The following NREP variants were observed in gnomAD, a reference collection of about 807,000 sequenced individuals.
NREP encodes the protein neuronal regeneration related protein, also known as neuronal regeneration-related protein.
Under a neutral mutation model 8.6 loss-of-function variants are expected in NREP, and 5 were observed. The observed-to-expected ratio is 0.58, with a 90% CI of 0.30 to 1.22. NREP has a LOEUF of 1.22. Among genes scored for constraint, NREP ranks in the 50% most tolerant of loss-of-function variants. The pLI is 0.07. For missense variants in NREP, 86 were observed against 82.5 expected (o/e 1.04, Z -0.17); for synonymous variants, 27 against 28.0 (o/e 0.96, Z 0.11).
intron 2 of NREP, among the ~76,000 whole-genome samples, chr5:111,785,903 G>C (rs980901961): frequency 6.6e-6 from 1 of 152,150 alleles, no homozygotes; most frequent in African/African-American, 2.4e-5. Flanking sequence ...GAGATGGATA[G>C]GGAGAGGGAA....
At chr5:111,811,653 C>T (rs1752271620) in intron 2 of NREP, among the ~76,000 whole-genome samples, 1 of 152,160 alleles carries the variant, frequency 6.6e-6, no homozygotes, top group Non-Finnish European at 1.5e-5. Flanking sequence ...CTGAGCAGGA[C>T]AAATATTTTT....
chr5:111,863,781 A>C (rs1753604202), intron 2 of NREP, among the ~76,000 whole-genome samples: 1 of 152,164 alleles, frequency 6.6e-6, no homozygotes, highest in African/African-American at 2.4e-5. Context: ...AAGATGGCTC[A>C]TACACATGGC....
chr5:111,781,856 A>G (rs1581113420), intron 2 of NREP, among the ~76,000 whole-genome samples: 1 of 152,170 alleles, frequency 6.6e-6, no homozygotes, highest in East Asian at 1.9e-4. Flanking sequence ...TTCATCTTTC[A>G]GGAATAAAAA....
intron 2 of NREP, among the ~76,000 whole-genome samples, chr5:111,864,778 T>C (rs1753628612): frequency 6.6e-6 from 1 of 152,130 alleles, no homozygotes; most frequent in African/African-American, 2.4e-5. Flanking sequence ...CATGGAAATA[T>C]CGTACCTATC....
chr5:111,824,800 A>C (rs527916094), intron 2 of NREP, among the ~76,000 whole-genome samples: 1 of 152,214 alleles, frequency 6.6e-6, no homozygotes, highest in Non-Finnish European at 1.5e-5. Context: ...TGAATTTAGC[A>C]CACAGTTGTT....
intron 2 of NREP, among the ~76,000 whole-genome samples, chr5:111,794,899 G>A (rs1430615523): frequency 6.6e-6 from 1 of 151,418 alleles, no homozygotes; most frequent in East Asian, 1.9e-4. Flanking sequence ...TGGTTGTTTT[G>A]GGTCACAGAG....
chr5:111,946,671 G>A (rs1028182123), intron 2 of NREP, among the ~76,000 whole-genome samples: 6 of 151,928 alleles, frequency 3.9e-5, no homozygotes, highest in African/African-American at 7.2e-5. Flanking sequence ...GCTGACACCC[G>A]TGTAGAGGGC....
At chr5:111,745,577 A>G (rs1275044108) in intron 2 of NREP, among the ~76,000 whole-genome samples, 1 of 152,164 alleles carries the variant, frequency 6.6e-6, no homozygotes, top group Non-Finnish European at 1.5e-5. Context: ...CCAATGGACA[A>G]TCTAATTCAG....
chr5:111,838,320 G>C (rs1752944660), intron 2 of NREP, among the ~76,000 whole-genome samples: 1 of 152,114 alleles, frequency 6.6e-6, no homozygotes, highest in African/African-American at 2.4e-5. Flanking sequence ...TACTACACTG[G>C]TCAGCACAGG....
intron 2 of NREP, among the ~76,000 whole-genome samples, chr5:111,867,052 G>A (rs974700168): frequency 6.6e-6 from 1 of 151,600 alleles, no homozygotes; most frequent in Non-Finnish European, 1.5e-5. Context: ...GTTAAATGAC[G>A]AGTTACTGGG....
At chr5:111,781,372 G>A (rs148953431) in intron 2 of NREP, among the ~76,000 whole-genome samples, 5 of 152,116 alleles carry the variant, frequency 3.3e-5, no homozygotes, top group South Asian at 4.1e-4. Flanking sequence ...GAAAGGCCAC[G>A]TGTTTGTATT....
At chr5:111,874,271 G>C (rs1753855021) in intron 2 of NREP, among the ~76,000 whole-genome samples, 1 of 152,122 alleles carries the variant, frequency 6.6e-6, no homozygotes, top group South Asian at 2.1e-4. Flanking sequence ...TATTAACACT[G>C]TATGTGTGCT....
At chr5:111,976,499 G>C (rs1756967817) in intron 1 of NREP, among the ~76,000 whole-genome samples, 1 of 152,172 alleles carries the variant, frequency 6.6e-6, no homozygotes, top group South Asian at 2.1e-4. Context: ...CAGCAGTGCT[G>C]AGGCCAGAGA....
At chr5:111,884,029 C>A (rs936117788) in intron 2 of NREP, among the ~76,000 whole-genome samples, 11 of 152,052 alleles carry the variant, frequency 7.2e-5, no homozygotes, top group African/African-American at 2.4e-4. Flanking sequence ...ATTATTGAAT[C>A]CAGGAGCTGG....
At chr5:111,801,962 C>A (rs568943513) in intron 2 of NREP, among the ~76,000 whole-genome samples, 18 of 152,288 alleles carry the variant, frequency 1.2e-4, no homozygotes, top group African/African-American at 4.1e-4. Context: ...CTGCAAATGA[C>A]ATAGGCAGCT....
chr5:111,797,894 G>A (rs1272547124), intron 2 of NREP, among the ~76,000 whole-genome samples: 1 of 152,156 alleles, frequency 6.6e-6, no homozygotes, highest in East Asian at 1.9e-4. Context: ...TAGAGTTTAG[G>A]TAAGGGGAGA....
intron 2 of NREP, among the ~76,000 whole-genome samples, chr5:111,794,924 A>G (rs1446264926): frequency 6.7e-6 from 1 of 149,940 alleles, no homozygotes; most frequent in African/African-American, 2.5e-5. Flanking sequence ...TTTTGCATAT[A>G]TGGGGGTCAG....
intron 2 of NREP, among the ~76,000 whole-genome samples, chr5:111,812,041 A>T (rs1000252408): frequency 4.6e-5 from 7 of 152,194 alleles, no homozygotes; most frequent in Non-Finnish European, 8.8e-5. Flanking sequence ...TAATCGCAGC[A>T]CTTTGGGAGG....
At chr5:111,952,307 A>C (rs1200750856) in intron 2 of NREP, among the ~76,000 whole-genome samples, 1 of 152,142 alleles carries the variant, frequency 6.6e-6, no homozygotes, top group Non-Finnish European at 1.5e-5. Context: ...CAGTCAAAGA[A>C]ATAAGGATTC....
Sources: gnomAD v4.1 joint callset for allele counts (sites outside exome capture counted in the v4.1 genomes callset) on GRCh38, gnomAD v4.1.1 for gene constraint, MANE v1.5 for transcripts, NCBI Gene and HGNC (gene_info 2026-07-23, HGNC 2026-07-21) for gene names.